The following RAD18 variants were observed in gnomAD, a reference collection of about 807,000 sequenced individuals.
The protein encoded by RAD18 is RAD18 E3 ubiquitin protein ligase.
A neutral mutation model predicts 60.4 loss-of-function variants in RAD18; 47 were observed. The ratio of observed to expected loss-of-function variants is 0.78; its 90% CI spans 0.62 to 0.99. RAD18 has a LOEUF of 0.99. RAD18 is among the 50% of genes least tolerant of loss of function. The pLI is 0.00. For missense variants in RAD18, 640 were observed against 593.3 expected (o/e 1.08, Z -0.82); for synonymous variants, 225 against 195.5 (o/e 1.15, Z -1.26).
At chr3:8,913,832 AACTCCCTGATC>A (rs1182566226) in intron 7 of RAD18, 112 bp from the exon 8 acceptor site, 101 of 565,260 alleles carry the variant, frequency 1.8e-4, no homozygotes, top group South Asian at 1.4e-3. Flanking sequence ...GGTATATGTG[AACTCCCTGATC>A]TATTTTTACA....
At position 8,915,936 on chromosome 3, in the gene RAD18, C is replaced by T. The variant is rs189438096; in HGVS notation, c.890-2216G>A. 2.0e-5 allele frequency among the ~76,000 whole-genome samples: 3 copies of T among 152,256 alleles called. No homozygotes were observed. In the East Asian group the frequency reaches 5.8e-4, roughly 29 times the overall value. On this transcript the variant is annotated intron_variant, in intron 7 of 12. Transcript: ENST00000264926. ...GGGCACCCACAAGAGTCCTCAGTCT[C>T]TCTGTAGCTCACTGGGGAAGGGCAG...
At chr3:8,936,335 G>A (rs11131154) in intron 6 of RAD18, among the ~76,000 whole-genome samples, 1 of 152,100 alleles carries the variant, frequency 6.6e-6, no homozygotes, top group African/African-American at 2.4e-5. Context: ...GGCACACTTA[G>A]AAGACATATA....
chr3:8,939,225 T>C (rs955124467), intron 6 of RAD18, among the ~76,000 whole-genome samples: 2 of 152,148 alleles, frequency 1.3e-5, no homozygotes, highest in African/African-American at 4.8e-5. Flanking sequence ...CTTGCTTTCT[T>C]TGGCCAAGAG....
chr3:8,912,405 T>G, intron 8 of RAD18, 33 bp from the exon 9 acceptor site: 1 of 1,428,894 alleles, frequency 7.0e-7, no homozygotes, highest in Non-Finnish European at 9.5e-7. Context: ...TTAATAAAAA[T>G]CTCCCCAAAA....
chr3:8,923,479 G>T (rs940335783), intron 7 of RAD18, among the ~76,000 whole-genome samples: 1 of 152,078 alleles, frequency 6.6e-6, no homozygotes, highest in Admixed American at 6.6e-5. Flanking sequence ...AACCAAGTTG[G>T]AAAACACTCT....
At chr3:8,961,727 C>T (rs983234494) in intron 1 of RAD18, among the ~76,000 whole-genome samples, 2 of 152,160 alleles carry the variant, frequency 1.3e-5, no homozygotes, top group African/African-American at 2.4e-5. Flanking sequence ...CAAAAAAATA[C>T]GGGCTCAATC....
rs550475261 is a variant in RAD18, at chr3:8,901,458, AAAAATTTTAAAATATTTT to A, written c.1168+904_1168+921del. Among the ~76,000 whole-genome samples the A allele has an allele frequency of 1.6e-4, 25 of 152,352 alleles. No homozygotes were observed. In the South Asian group the frequency reaches 2.7e-3, roughly 16 times the overall value. On this transcript the variant is annotated intron_variant, in intron 10 of 12. Transcript: ENST00000264926. ...ACATACTATGGAATACTGTTTAATC[AAAAATTTTAAAATATTTT>A]AAAATTTTAAAATGTGCTACAACAT...
At chr3:8,931,824 T>C (rs1940557901) in intron 7 of RAD18, among the ~76,000 whole-genome samples, 1 of 152,210 alleles carries the variant, frequency 6.6e-6, no homozygotes, top group South Asian at 2.1e-4. Flanking sequence ...ACAGAATAGA[T>C]TCTAGATAGA....
chr3:8,895,717 G>A (rs1377980678), intron 11 of RAD18, among the ~76,000 whole-genome samples: 1 of 152,090 alleles, frequency 6.6e-6, no homozygotes, highest in East Asian at 1.9e-4. Context: ...GATGTATACT[G>A]AGTTGGCCCA....
intron 12 of RAD18, among the ~76,000 whole-genome samples, chr3:8,881,821 C>T (rs1939468231): frequency 6.6e-6 from 1 of 152,288 alleles, no homozygotes; most frequent in African/African-American, 2.4e-5. Context: ...CCTTCAGAGA[C>T]CTGAGGTTTT....
In RAD18 at chr3:8,891,469, T is replaced by C. The variant is rs146839907; in HGVS notation, c.1323-1018A>G. On this transcript the variant is annotated intron_variant, in intron 11 of 12. Transcript: ENST00000264926. ...CAAATCACCAGCACAAATCACTGAT[T>C]TGTTAAAGGAAAACATTTGCAGTAC... Among the ~76,000 whole-genome samples, 33 of 152,302 alleles carry C rather than the reference T, an allele frequency of 2.2e-4. No homozygotes were observed. The East Asian group carries it at 6.2e-3, about 28-fold the overall frequency.
At chr3:8,943,579 G>A (rs925111145) in intron 4 of RAD18, among the ~76,000 whole-genome samples, 2 of 151,800 alleles carry the variant, frequency 1.3e-5, no homozygotes, top group East Asian at 3.9e-4. Context: ...AAGCCCAGAA[G>A]GAACAGAAAG....
rs575632137 is a variant in RAD18, at chr3:8,879,602, G to C, written c.*1755C>G. 1.3e-5 allele frequency: 2 copies of C among 152,080 alleles called. No homozygotes were observed. Among genetic ancestry groups the C allele is most frequent in the South Asian group, 4.1e-4 (2 of 4,824 alleles). The allele number at this position is 152,080 out of a possible 1,614,324, so 9.4% of individuals were successfully genotyped here. On this transcript the variant is annotated 3_prime_UTR_variant, in exon 13 of 13. Transcript: ENST00000264926. ...GGGTTGGGTGTTTAGCCTCATCCCT[G>C]GCCTCCACCCATTGATACTGGTAGT...
In RAD18 at chr3:8,879,847, C is replaced by T. The variant is rs1939428001; in HGVS notation, c.*1510G>A. ...TCCCAATCTTGGGTCTCACCGCTCC[C>T]TCACAAACTCCTTTTGCTGCAATTA... On this transcript the variant is annotated 3_prime_UTR_variant, in exon 13 of 13. Transcript: ENST00000264926. The T allele has an allele frequency of 6.6e-6, 1 of 152,260 alleles. No individual in the cohort carries two copies. Among genetic ancestry groups the T allele is most frequent in the East Asian group, 1.9e-4 (1 of 5,202 alleles). 9.4% of individuals were successfully genotyped at this position (152,260 alleles called of 1,614,324 possible).
chr3:8,917,727 G>C (rs1940231812), intron 7 of RAD18, among the ~76,000 whole-genome samples: 1 of 151,888 alleles, frequency 6.6e-6, no homozygotes, highest in East Asian at 1.9e-4. Flanking sequence ...ACAAAAAGGA[G>C]ACGGAACAAA....
rs1242558073 is a variant in RAD18 at position 8,877,325 on chromosome 3, C to G, written c.*4032G>C. ...AGATGGTGTGTTGTTGCTGAGTCCT[C>G]CAGAGGGAACGAAGACTGTGTCCTC... On this transcript the variant is annotated 3_prime_UTR_variant, in exon 13 of 13. Transcript: ENST00000264926. 6.5e-6 allele frequency: 1 copy of G among 152,810 alleles called. No homozygotes were observed. The highest frequency in any genetic ancestry group is 2.4e-5 in the African/African-American group (1 of 41,416). 9.5% of individuals were successfully genotyped at this position (152,810 alleles called of 1,614,324 possible).
chr3:8,937,514 T>TTATATATA (rs1559790510), intron 6 of RAD18, among the ~76,000 whole-genome samples: 1 of 151,666 alleles, frequency 6.6e-6, no homozygotes, highest in African/African-American at 2.4e-5. Context: ...TATAGAAGGG[T>TTATATATA]TAAGGGCTGC....
At chr3:8,950,180 GCCA>G (rs968392016) in intron 2 of RAD18, among the ~76,000 whole-genome samples, 4 of 151,962 alleles carry the variant, frequency 2.6e-5, no homozygotes, top group African/African-American at 9.7e-5. Context: ...ACAGGTGTGC[GCCA>G]CCACACCACA....
At chr3:8,912,759 T>A (rs1244441484) in intron 8 of RAD18, among the ~76,000 whole-genome samples, 3 of 152,154 alleles carry the variant, frequency 2.0e-5, no homozygotes. Flanking sequence ...TCCTTTCCAA[T>A]CTAACTTCTC....
Sources: allele counts gnomAD v4.1 joint callset (sites outside exome capture counted in the v4.1 genomes callset), GRCh38; gene constraint gnomAD v4.1.1; transcripts MANE v1.5; gene names NCBI Gene and HGNC (gene_info 2026-07-23, HGNC 2026-07-21).